The following ARPP21 variants were observed in gnomAD, a reference collection of about 807,000 sequenced individuals.
ARPP21 encodes cAMP-regulated phosphoprotein 21.
In ARPP21, 69 loss-of-function variants were observed where a neutral mutation model predicts 113.2. That is an observed-to-expected ratio of 0.61 (90% CI 0.50 to 0.74). The LOEUF is 0.74. Among genes scored for constraint, ARPP21 ranks in the 30% least tolerant of loss-of-function variants. The pLI is 0.00. For missense variants in ARPP21, 1,070 were observed against 1,037.4 expected, an observed-to-expected ratio of 1.03 and a Z score of -0.43; for synonymous variants, 368 against 375.5, an observed-to-expected ratio of 0.98 and a Z score of 0.23.
chr3:35,665,715 G>T (rs896639741), intron 1 of ARPP21, among the ~76,000 whole-genome samples: 2 of 152,152 alleles, frequency 1.3e-5, no homozygotes, highest in South Asian at 4.1e-4. Context: ...AAGCACAGCT[G>T]CAGATGAAGA....
At chr3:35,740,159 G>A (rs969914252) in intron 18 of ARPP21, among the ~76,000 whole-genome samples, 7 of 152,156 alleles carry the variant, frequency 4.6e-5, no homozygotes, top group Non-Finnish European at 7.3e-5. Context: ...ATTGACTTGA[G>A]CATGTAAGAC....
chr3:35,777,204 A>G (rs1406491833), intron 19 of ARPP21, among the ~76,000 whole-genome samples: 1 of 152,128 alleles, frequency 6.6e-6, no homozygotes, highest in East Asian at 1.9e-4. Context: ...TTCTGGAGAG[A>G]ATGAAAATAC....
At chr3:35,653,224 A>T (rs1262239901) in intron 1 of ARPP21, among the ~76,000 whole-genome samples, 1 of 152,098 alleles carries the variant, frequency 6.6e-6, no homozygotes, top group African/African-American at 2.4e-5. Context: ...CATAGCAGTG[A>T]CATTATCTCT....
chr3:35,738,157 G>A, intron 16 of ARPP21, 57 bp from the exon 17 acceptor site: 2 of 1,115,380 alleles, frequency 1.8e-6, no homozygotes, highest in Non-Finnish European at 2.6e-6. Flanking sequence ...TGTGCATCTT[G>A]TGAGATTTCA....
chr3:35,707,435 G>T (rs1052389565), intron 10 of ARPP21: 2 of 486,910 alleles, frequency 4.1e-6, no homozygotes, highest in Non-Finnish European at 8.1e-6. Context: ...TATGGCAGTC[G>T]TTCCACTCCC....
intron 19 of ARPP21, among the ~76,000 whole-genome samples, chr3:35,762,126 T>A (rs12635977): frequency 0.25 from 31,868 of 126,536 alleles, 3,974 homozygotes; most frequent in Non-Finnish European, 0.34. Context: ...TCTCTCTCTC[T>A]CACACACACA....
In ARPP21 at chr3:35,794,435, A is replaced by C. The variant is rs560378373; in HGVS notation, c.*477A>C. ...GATATATACTGTATTGTAGTGTTTA[A>C]TCAAAATAAAACTATTTGACCTTAT... On this transcript the variant is annotated 3_prime_UTR_variant, in exon 21 of 21. Transcript: ENST00000684406. 1.3e-3 allele frequency: 195 copies of C among 155,170 alleles called. 1 individual carries two copies. Among genetic ancestry groups the C allele is most frequent in the Non-Finnish European group, 1.6e-3 (110 of 69,656 alleles). The allele number at this position is 155,170 out of a possible 1,614,324, so 9.6% of individuals were successfully genotyped here.
intron 19 of ARPP21, among the ~76,000 whole-genome samples, chr3:35,745,040 T>A (rs946026288): frequency 5.9e-5 from 9 of 152,160 alleles, no homozygotes; most frequent in Non-Finnish European, 7.3e-5. Context: ...CTATTTAAAG[T>A]CTGTGGGAGA....
At chr3:35,697,103 A>G (rs1005706457) in intron 9 of ARPP21, among the ~76,000 whole-genome samples, 2 of 151,622 alleles carry the variant, frequency 1.3e-5, no homozygotes, top group South Asian at 2.1e-4. Context: ...ATGTTTTTGC[A>G]TATGTCAGAG....
chr3:35,771,570 C>A (rs980037636), intron 19 of ARPP21, among the ~76,000 whole-genome samples: 1 of 152,162 alleles, frequency 6.6e-6, no homozygotes, highest in Non-Finnish European at 1.5e-5. Flanking sequence ...CTCAGGTAAT[C>A]TGCCTGCCGT....
Position 35,728,215 on chromosome 3 carries a change from C to CTTT in ARPP21, c.1226-1067_1226-1065dup, listed in dbSNP as rs775065085. On this transcript the variant is annotated intron_variant, in intron 14 of 20. Transcript: ENST00000684406. ...GCCCACCATCTATTTGATTCCTTGC[C>CTTT]TTTTTTTTTTTTTTTTTTTTTTTGA... Among the ~76,000 whole-genome samples the CTTT allele has an allele frequency of 8.6e-5, 9 of 105,182 alleles. 1 individual carries two copies. Among genetic ancestry groups the CTTT allele is most frequent in the African/African-American group, 1.1e-4 (3 of 27,590 alleles). 69.0% of individuals were successfully genotyped at this position (105,182 alleles called of 152,430 possible). A position where few individuals can be genotyped will look rare whatever the true frequency, so the allele number is the denominator to read the frequency against.
chr3:35,642,325 A>AACCAC (rs1698375354), intron 1 of ARPP21: 1 of 152,186 alleles, frequency 6.6e-6, no homozygotes, highest in African/African-American at 2.4e-5. Context: ...TGAAGGAGCG[A>AACCAC]GCGCCTCACT....
intron 9 of ARPP21, 51 bp from the exon 10 acceptor site, chr3:35,706,917 ATAACTT>A: frequency 1.5e-6 from 2 of 1,344,646 alleles, no homozygotes; most frequent in South Asian, 2.6e-5. Flanking sequence ...ACACTAAAAA[ATAACTT>A]TAAACAAGGG....
At chr3:35,737,092 A>G (rs963241662) in intron 15 of ARPP21, 86 bp from the exon 16 acceptor site, 1 of 771,322 alleles carries the variant, frequency 1.3e-6, no homozygotes, top group Non-Finnish European at 2.2e-6. Flanking sequence ...ACTTTAGGTT[A>G]CTTTTTGAGT....
At chr3:35,691,391 T>C (rs1424419830) in intron 9 of ARPP21, among the ~76,000 whole-genome samples, 1 of 151,704 alleles carries the variant, frequency 6.6e-6, no homozygotes, top group Non-Finnish European at 1.5e-5. Context: ...CTTTCTTCTT[T>C]CTTCTGCTTT....
At chr3:35,742,663 T>A (rs1036091054) in intron 18 of ARPP21, among the ~76,000 whole-genome samples, 1 of 152,224 alleles carries the variant, frequency 6.6e-6, no homozygotes, top group African/African-American at 2.4e-5. Flanking sequence ...GCAAAATATG[T>A]TACATATGTT....
intron 9 of ARPP21, among the ~76,000 whole-genome samples, chr3:35,705,112 G>A (rs915649376): frequency 1.8e-4 from 27 of 151,862 alleles, no homozygotes; most frequent in Admixed American, 1.2e-3. Context: ...CAGAGCCTGG[G>A]GATATTAGAA....
chr3:35,769,035 T>A (rs1228059671), intron 19 of ARPP21, among the ~76,000 whole-genome samples: 1 of 152,208 alleles, frequency 6.6e-6, no homozygotes, highest in Non-Finnish European at 1.5e-5. Context: ...TTTCTTTCTC[T>A]CTCTTCCTCT....
At chr3:35,755,836 G>A (rs2095550377) in intron 19 of ARPP21, among the ~76,000 whole-genome samples, 1 of 151,968 alleles carries the variant, frequency 6.6e-6, no homozygotes, top group Admixed American at 6.6e-5. Flanking sequence ...TTTGGATGGT[G>A]TTTAAATTTT....
Sources: gnomAD v4.1 joint callset for allele counts (sites outside exome capture counted in the v4.1 genomes callset) on GRCh38, gnomAD v4.1.1 for gene constraint, MANE v1.5 for transcripts, NCBI Gene and HGNC (gene_info 2026-07-23, HGNC 2026-07-21) for gene names.